MAGI1: variants seen among roughly 807,000 people sequenced by gnomAD.
MAGI1 encodes the protein membrane-associated guanylate kinase, WW and PDZ domain-containing protein 1.
MAGI1 carries 58 observed loss-of-function variants against 139.9 expected under a neutral mutation model. That is an observed-to-expected ratio of 0.41 (90% confidence interval 0.34 to 0.52). MAGI1 has a LOEUF of 0.52. Ranked by LOEUF, MAGI1 falls within the 20% of genes least tolerant of loss-of-function variation. The pLI is 0.12. For missense variants in MAGI1, 1,874 were observed against 1,901.6 expected, an observed-to-expected ratio of 0.99 and a Z score of 0.27; for synonymous variants, 812 against 737.9, an observed-to-expected ratio of 1.10 and a Z score of -1.63.
At position 65,355,778 on chromosome 3, in the gene MAGI1, C is replaced by T. The variant is rs1940169539; in HGVS notation, c.*600G>A. 6.6e-6 allele frequency: 1 copy of T among 152,604 alleles called. No homozygotes were observed. The highest frequency in any genetic ancestry group is 1.5e-5 in the Non-Finnish European group (1 of 68,036). The allele number at this position is 152,604 out of a possible 1,614,324, so 9.5% of individuals were successfully genotyped here. A position where few individuals can be genotyped will look rare whatever the true frequency, so the allele number is the denominator to read the frequency against. ...CAATATAAAACTTCTTTGTGCTGCG[C>T]AGTTTAGCTATAAATATCCTTCATT... On this transcript the variant is annotated 3_prime_UTR_variant, in exon 23 of 23. Transcript: ENST00000402939.
intron 1 of MAGI1, among the ~76,000 whole-genome samples, chr3:65,664,857 T>C (rs1384676033): frequency 2.0e-5 from 3 of 152,196 alleles, no homozygotes; most frequent in Non-Finnish European, 4.4e-5. Context: ...TTTTTGATGG[T>C]AATTTCTCTG....
At chr3:65,548,376 C>T (rs1414642403) in intron 2 of MAGI1, among the ~76,000 whole-genome samples, 1 of 152,132 alleles carries the variant, frequency 6.6e-6, no homozygotes, top group Non-Finnish European at 1.5e-5. Context: ...TCCCCTCTCC[C>T]TGCACTGGGG....
At chr3:65,508,441 G>A (rs1251127594) in intron 2 of MAGI1, among the ~76,000 whole-genome samples, 1 of 151,936 alleles carries the variant, frequency 6.6e-6, no homozygotes, top group African/African-American at 2.4e-5. Context: ...AAATCAAGTA[G>A]CTTTTATTAT....
chr3:65,460,658 T>C (rs991777530), intron 5 of MAGI1, among the ~76,000 whole-genome samples: 2 of 152,132 alleles, frequency 1.3e-5, no homozygotes, highest in African/African-American at 4.8e-5. Context: ...CAACCTGTCA[T>C]CTACATTAGG....
intron 2 of MAGI1, among the ~76,000 whole-genome samples, chr3:65,604,436 C>A (rs374886435): frequency 2.6e-5 from 4 of 152,144 alleles, no homozygotes; most frequent in African/African-American, 9.7e-5. Flanking sequence ...TTATCTGATG[C>A]TTTTTAAATT....
chr3:65,840,371 A>G (rs1332644420), intron 1 of MAGI1, among the ~76,000 whole-genome samples: 1 of 152,222 alleles, frequency 6.6e-6, no homozygotes, highest in African/African-American at 2.4e-5. Flanking sequence ...GTCTTGCACC[A>G]TTAAGTACAA....
intron 1 of MAGI1, among the ~76,000 whole-genome samples, chr3:65,791,309 T>C (rs2039755415): frequency 6.6e-6 from 1 of 152,176 alleles, no homozygotes; most frequent in African/African-American, 2.4e-5. Flanking sequence ...AAGACACAAA[T>C]TCTAGGTACA....
intron 21 of MAGI1, 36 bp downstream of exon 21, chr3:65,363,429 T>C (rs1250391941): frequency 6.4e-7 from 1 of 1,568,432 alleles, no homozygotes; most frequent in Non-Finnish European, 8.6e-7. Flanking sequence ...GCAGATGGTT[T>C]CTTTGCACCT....
chr3:65,689,733 T>G (rs1170036976), intron 1 of MAGI1, among the ~76,000 whole-genome samples: 1 of 152,226 alleles, frequency 6.6e-6, no homozygotes, highest in African/African-American at 2.4e-5. Context: ...TTGTGCCAAG[T>G]GCTCATTGAT....
At chr3:65,894,568 C>A (rs1299296113) in intron 1 of MAGI1, among the ~76,000 whole-genome samples, 1 of 152,212 alleles carries the variant, frequency 6.6e-6, no homozygotes, top group East Asian at 1.9e-4. Flanking sequence ...TTAGCATTTT[C>A]TTTGTTGTTG....
chr3:65,610,910 T>C (rs6809270), intron 2 of MAGI1, among the ~76,000 whole-genome samples: 55,291 of 132,882 alleles, frequency 0.42, 12,446 homozygotes, highest in Non-Finnish European at 0.49. Context: ...CTATATAGTA[T>C]ATAGACACTA....
At chr3:65,959,234 C>T (rs1275676079) in intron 1 of MAGI1, among the ~76,000 whole-genome samples, 1 of 152,148 alleles carries the variant, frequency 6.6e-6, no homozygotes, top group Non-Finnish European at 1.5e-5. Context: ...TGCATTCAAA[C>T]GTTCTCTGAT....
intron 2 of MAGI1, among the ~76,000 whole-genome samples, chr3:65,606,859 T>C (rs1039204651): frequency 6.6e-6 from 1 of 152,070 alleles, no homozygotes; most frequent in Non-Finnish European, 1.5e-5. Context: ...GTTTTCACCA[T>C]GTTGCTTAGG....
intron 2 of MAGI1, among the ~76,000 whole-genome samples, chr3:65,552,082 G>A (rs2079861734): frequency 1.3e-5 from 2 of 152,302 alleles, no homozygotes; most frequent in South Asian, 2.1e-4. Flanking sequence ...GTCATTCATT[G>A]TTTGGAATGG....
intron 7 of MAGI1, among the ~76,000 whole-genome samples, chr3:65,447,551 C>T (rs1948751373): frequency 1.3e-5 from 2 of 152,204 alleles, no homozygotes; most frequent in South Asian, 4.1e-4. Flanking sequence ...CCTCAGTGAC[C>T]TTCTTTTATT....
intron 1 of MAGI1, among the ~76,000 whole-genome samples, chr3:65,771,976 G>C (rs1171254536): frequency 2.0e-5 from 3 of 152,340 alleles, no homozygotes; most frequent in South Asian, 2.1e-4. Context: ...GCCGAGGCGG[G>C]TGGATCACAA....
chr3:65,443,823 T>G (rs557987625), intron 7 of MAGI1, among the ~76,000 whole-genome samples: 16 of 152,310 alleles, frequency 1.1e-4, no homozygotes, highest in Non-Finnish European at 1.9e-4. Flanking sequence ...GAAGTAGCTA[T>G]TAAGACCAAC....
At chr3:65,470,081 A>G (rs1950466823) in intron 5 of MAGI1, 3 of 455,620 alleles carry the variant, frequency 6.6e-6, no homozygotes, top group South Asian at 3.5e-5. Context: ...GATTAACCTT[A>G]TGCTTCCTCA....
intron 2 of MAGI1, among the ~76,000 whole-genome samples, chr3:65,571,530 G>A (rs1245626113): frequency 6.6e-6 from 1 of 151,934 alleles, no homozygotes; most frequent in Non-Finnish European, 1.5e-5. Flanking sequence ...TCCTTTAAAA[G>A]CAAGTAATGA....
Sources: gnomAD v4.1 joint callset for allele counts (sites outside exome capture counted in the v4.1 genomes callset) on GRCh38, gnomAD v4.1.1 for gene constraint, MANE v1.5 for transcripts, NCBI Gene and HGNC (gene_info 2026-07-23, HGNC 2026-07-21) for gene names.